Variants in SNX8 observed in about 807,000 individuals in gnomAD.
SNX8 encodes the protein sorting nexin-8.
In SNX8, 25 loss-of-function variants were observed where a neutral mutation model predicts 51.6. The ratio of observed to expected loss-of-function variants is 0.48; its 90% confidence interval spans 0.35 to 0.68. The LOEUF (loss-of-function observed/expected upper bound fraction) is 0.68, where lower values mean the gene tolerates loss of function less well. Among genes scored for constraint, SNX8 ranks in the 30% least tolerant of loss-of-function variants. SNX8 has a pLI of 0.00. For synonymous variants in SNX8, 324 were observed against 277.0 expected (o/e 1.17, Z -1.68); for missense variants, 695 against 624.0 (o/e 1.11, Z -1.21).
chr7:2,270,433 C>A (rs549223706), intron 4 of SNX8, among the ~76,000 whole-genome samples: 3 of 151,648 alleles, frequency 2.0e-5, no homozygotes, highest in Admixed American at 6.6e-5. Flanking sequence ...TCAGGGCCAG[C>A]CTGGGTAACA....
intron 1 of SNX8, among the ~76,000 whole-genome samples, chr7:2,284,306 G>A (rs1170287917): frequency 6.6e-6 from 1 of 151,858 alleles, no homozygotes; most frequent in Non-Finnish European, 1.5e-5. Context: ...TTGTCATAGG[G>A]CAACAGAGAG....
At chr7:2,349,674 A>C (rs956420989) in intron 1 of SNX8, among the ~76,000 whole-genome samples, 13 of 152,030 alleles carry the variant, frequency 8.6e-5, no homozygotes, top group African/African-American at 2.7e-4. Context: ...TGCCTTCAAG[A>C]GATCTGCCCA....
intron 1 of SNX8, among the ~76,000 whole-genome samples, chr7:2,300,922 C>T (rs1796375937): frequency 6.6e-6 from 1 of 152,236 alleles, no homozygotes; most frequent in South Asian, 2.1e-4. Context: ...GGATTACAGG[C>T]GTGAGTCACT....
rs867267911 is a variant in SNX8, at chr7:2,268,385, C to A, written c.621+1174G>T. Among the ~76,000 whole-genome samples, 1,201 of 142,714 alleles carry A rather than the reference C, an allele frequency of 8.4e-3. 3 individuals carry two copies. The highest frequency in any genetic ancestry group is 0.017 in the Admixed American group (243 of 14,364). The allele number at this position is 142,714 out of a possible 152,430, so 93.6% of individuals were successfully genotyped here. A position where few individuals can be genotyped will look rare whatever the true frequency, so the allele number is the denominator to read the frequency against. On this transcript the variant is annotated intron_variant, in intron 5 of 10. Coordinates refer to ENST00000222990, the MANE Select transcript of SNX8 (RefSeq NM_013321.4). ...AGAAGTGAGGAGCCTCTCCGCCCGG[C>A]AGCCACCCCATCTGGGAAGTGAGGA... is the stretch of plus-strand genomic sequence containing the variant.
At chr7:2,347,514 C>G (rs187158357) in intron 1 of SNX8, among the ~76,000 whole-genome samples, 1 of 143,570 alleles carries the variant, frequency 7.0e-6, no homozygotes, top group East Asian at 2.0e-4. Flanking sequence ...AAAAAAAGAG[C>G]CTTTGGCTGA....
chr7:2,295,077 T>C (rs1796240510), intron 1 of SNX8, among the ~76,000 whole-genome samples: 1 of 151,668 alleles, frequency 6.6e-6, no homozygotes, highest in Non-Finnish European at 1.5e-5. Context: ...GACAAGACCA[T>C]CCACCTCACT....
intron 1 of SNX8, among the ~76,000 whole-genome samples, chr7:2,303,492 G>A (rs868759704): frequency 2.0e-5 from 3 of 152,372 alleles, no homozygotes; most frequent in Middle Eastern, 6.8e-3. Context: ...GGATGACAAT[G>A]GCGGTTTTGT....
intron 5 of SNX8, among the ~76,000 whole-genome samples, chr7:2,268,342 C>A (rs1407689775): frequency 6.9e-6 from 1 of 144,930 alleles, no homozygotes; most frequent in Non-Finnish European, 1.5e-5. Flanking sequence ...CCCCTCCGCC[C>A]GGCAGCTGCC....
At chr7:2,278,513 C>A (rs1270781182) in intron 1 of SNX8, among the ~76,000 whole-genome samples, 1 of 152,232 alleles carries the variant, frequency 6.6e-6, no homozygotes, top group Non-Finnish European at 1.5e-5. Flanking sequence ...GTGCAGCCTC[C>A]CTCTGCTGTG....
chr7:2,283,682 AATTCCC>A (rs1285874791), intron 1 of SNX8, among the ~76,000 whole-genome samples: 1 of 152,178 alleles, frequency 6.6e-6, no homozygotes, highest in African/African-American at 2.4e-5. Context: ...CCCAGGGCTA[AATTCCC>A]CAAAGTGGGT....
chr7:2,284,442 C>T (rs1244093635), intron 1 of SNX8, among the ~76,000 whole-genome samples: 2 of 117,780 alleles, frequency 1.7e-5, no homozygotes, highest in Non-Finnish European at 3.2e-5. Flanking sequence ...CACTCTGTTG[C>T]CCAGGCTGGA....
chr7:2,321,848 C>CT (rs1778520185), intron 1 of SNX8, among the ~76,000 whole-genome samples: 1 of 151,006 alleles, frequency 6.6e-6, no homozygotes, highest in Non-Finnish European at 1.5e-5. Flanking sequence ...CTCAGCCTCC[C>CT]GAGTAGCTGG....
In SNX8 at chr7:2,255,595, C is replaced by T. The variant is rs141971800; in HGVS notation, c.1285-426G>A. On this transcript the variant is annotated intron_variant, in intron 10 of 10. Coordinates refer to ENST00000222990, the MANE Select transcript of SNX8 (RefSeq NM_013321.4). ...TCCACAGAAAATCAGAAATATGAGT[C>T]GGATGTGGTGGCACCTGCCTGTGGT... Among the ~76,000 whole-genome samples the T allele has an allele frequency of 7.1e-3, 1,085 of 152,286 alleles. 6 individuals are homozygous for T. Among genetic ancestry groups the T allele is most frequent in the Admixed American group, 0.012 (181 of 15,296 alleles).
intron 1 of SNX8, among the ~76,000 whole-genome samples, chr7:2,321,847 C>G (rs1173922958): frequency 6.6e-6 from 1 of 151,550 alleles, no homozygotes; most frequent in Admixed American, 6.6e-5. Context: ...CCTCAGCCTC[C>G]CGAGTAGCTG....
chr7:2,351,073 C>T (rs899780438), intron 1 of SNX8, among the ~76,000 whole-genome samples: 1 of 152,076 alleles, frequency 6.6e-6, no homozygotes, highest in Non-Finnish European at 1.5e-5. Context: ...GCCATGATTG[C>T]GCCACTGTGC....
At chr7:2,326,323 C>G (rs1778620775) in intron 1 of SNX8, among the ~76,000 whole-genome samples, 1 of 151,670 alleles carries the variant, frequency 6.6e-6, no homozygotes, top group Admixed American at 6.6e-5. Context: ...TGTGATCATG[C>G]CACTGAACTC....
At chr7:2,310,733 T>C (rs4721572) in intron 1 of SNX8, among the ~76,000 whole-genome samples, 42,999 of 151,886 alleles carry the variant, frequency 0.28, 6,237 homozygotes, top group Middle Eastern at 0.46. Flanking sequence ...ATCGCACCAC[T>C]GCACTCCAGC....
chr7:2,342,504 A>C (rs915558652), intron 1 of SNX8, among the ~76,000 whole-genome samples: 6 of 151,914 alleles, frequency 3.9e-5, no homozygotes, highest in Non-Finnish European at 8.8e-5. Context: ...AAAATACAAA[A>C]ATCAGCCGGA....
chr7:2,352,939 G>A (rs1353532655), intron 1 of SNX8, among the ~76,000 whole-genome samples: 1 of 152,164 alleles, frequency 6.6e-6, no homozygotes, highest in African/African-American at 2.4e-5. Flanking sequence ...AGCATGATGA[G>A]GAGTAGTCAA....
Sources: allele counts gnomAD v4.1 joint callset (sites outside exome capture counted in the v4.1 genomes callset), GRCh38; gene constraint gnomAD v4.1.1; transcripts MANE v1.5; gene names NCBI Gene and HGNC (gene_info 2026-07-23, HGNC 2026-07-21).